The following SFXN5 variants were observed in gnomAD, a reference collection of about 807,000 sequenced individuals.
SFXN5 encodes the protein sideroflexin 5.
SFXN5 carries 43 observed loss-of-function variants against 50.2 expected under a neutral mutation model. The observed-to-expected ratio is 0.86, with a 90% CI of 0.67 to 1.11. The LOEUF (loss-of-function observed/expected upper bound fraction) is 1.11. Ranked by LOEUF, SFXN5 falls within the 50% of genes least tolerant of loss-of-function variation. SFXN5 has a pLI of 0.00. For synonymous variants in SFXN5, 203 were observed against 185.8 expected (o/e 1.09, Z -0.75); for missense variants, 463 against 454.1 (o/e 1.02, Z -0.18).
rs1264827050 is a variant in SFXN5 at position 72,968,309 on chromosome 2, C to T, written c.827+139G>A. On this transcript the variant is annotated intron_variant, in intron 12 of 13. Transcript: ENST00000272433. Reference sequence around the variant, plus strand: ...ACTACCTGGAAAGTCCAAGATGGAGCAAGACACCTTCCACCCTCTACACAA... The same window carrying T: ...ACTACCTGGAAAGTCCAAGATGGAGTAAGACACCTTCCACCCTCTACACAA... 16 of 712,684 alleles carry T rather than the reference C, an allele frequency of 2.2e-5. No homozygotes were observed. In the South Asian group the frequency reaches 2.9e-4, roughly 13 times the overall value. The allele number at this position is 712,684 out of a possible 1,614,324, so 44.1% of individuals were successfully genotyped here. A position where few individuals can be genotyped will look rare whatever the true frequency, so the allele number is the denominator to read the frequency against.
rs1340511605 is a variant in SFXN5 at position 72,988,111 on chromosome 2, TTTTAGC to T, written c.625+141_625+146del. On this transcript the variant is annotated intron_variant, in intron 10 of 13. Coordinates refer to ENST00000272433, the MANE Select transcript of SFXN5 (RefSeq NM_144579.3). ...GTCAGTGGGACCCCATGGTCTTGTC[TTTTAGC>T]TAAACATATTACACCAATTCTCCCA... The T allele has an allele frequency of 8.7e-6, 6 of 686,242 alleles. No individual in the cohort carries two copies. In the East Asian group the frequency reaches 1.7e-4, roughly 19 times the overall value. 42.5% of individuals were successfully genotyped at this position (686,242 alleles called of 1,614,324 possible). A position where few individuals can be genotyped will look rare whatever the true frequency, so the allele number is the denominator to read the frequency against.
intron 13 of SFXN5, among the ~76,000 whole-genome samples, chr2:72,959,710 C>G (rs985383532): frequency 1.3e-5 from 2 of 152,154 alleles, no homozygotes; most frequent in African/African-American, 4.8e-5. Context: ...TCTGGTCCCC[C>G]CTCCTCTTCA....
chr2:72,957,277 C>T (rs1205255243), intron 13 of SFXN5, among the ~76,000 whole-genome samples: 12 of 152,186 alleles, frequency 7.9e-5, no homozygotes, highest in Non-Finnish European at 2.9e-5. Flanking sequence ...GTAAGGTACA[C>T]CGAGCTCCCA....
At chr2:72,978,816 T>G (rs534505936) in intron 10 of SFXN5, among the ~76,000 whole-genome samples, 189 of 145,438 alleles carry the variant, frequency 1.3e-3, no homozygotes, top group Non-Finnish European at 1.6e-3. Context: ...CCCAGATCTG[T>G]TTTTTTTTTA....
At chr2:72,956,896 A>G (rs1673150808) in intron 13 of SFXN5, 1 of 389,178 alleles carries the variant, frequency 2.6e-6, no homozygotes, top group Non-Finnish European at 5.3e-6. Context: ...CAAAGAAGAA[A>G]CTGAATACCA....
At chr2:73,018,123 A>G (rs1256216117) in intron 6 of SFXN5, among the ~76,000 whole-genome samples, 1 of 152,052 alleles carries the variant, frequency 6.6e-6, no homozygotes, top group Non-Finnish European at 1.5e-5. Flanking sequence ...CAAGAGGATC[A>G]CTTGAGCCCA....
chr2:72,967,110 A>G (rs538179950), intron 12 of SFXN5: 36 of 152,350 alleles, frequency 2.4e-4, no homozygotes, highest in African/African-American at 7.5e-4. Context: ...TGGATGACAT[A>G]GCCTGTCTTT....
intron 6 of SFXN5, among the ~76,000 whole-genome samples, chr2:73,002,751 T>C (rs540442644): frequency 6.6e-6 from 1 of 152,230 alleles, no homozygotes; most frequent in South Asian, 2.1e-4. Context: ...AGCTATTCCA[T>C]AGCTCCAACG....
intron 13 of SFXN5, among the ~76,000 whole-genome samples, chr2:72,951,013 C>T (rs904907227): frequency 6.6e-6 from 1 of 152,194 alleles, no homozygotes; most frequent in Admixed American, 6.5e-5. Flanking sequence ...TCCCCGGGCA[C>T]CCAAGAGCCA....
At chr2:72,979,825 G>A (rs574254810) in intron 10 of SFXN5, among the ~76,000 whole-genome samples, 87 of 152,106 alleles carry the variant, frequency 5.7e-4, no homozygotes, top group Non-Finnish European at 9.3e-4. Flanking sequence ...CATTTATATA[G>A]ACATATTTAT....
chr2:73,047,320 T>TACACAC (rs1680617819), intron 2 of SFXN5, among the ~76,000 whole-genome samples: 1 of 53,440 alleles, frequency 1.9e-5, no homozygotes, highest in South Asian at 6.2e-4. Flanking sequence ...TGTGTGTATG[T>TACACAC]ATATATATGT....
chr2:72,996,226 C>T (rs1214415999), intron 9 of SFXN5, among the ~76,000 whole-genome samples: 6 of 152,088 alleles, frequency 3.9e-5, no homozygotes, highest in Admixed American at 1.3e-4. Flanking sequence ...GAAAGCCTTT[C>T]GAGGGGTGCT....
chr2:72,983,310 T>C (rs1487698765), intron 10 of SFXN5, among the ~76,000 whole-genome samples: 7 of 152,142 alleles, frequency 4.6e-5, no homozygotes, highest in African/African-American at 1.7e-4. Context: ...GGCAACGGAC[T>C]CATTGGTTAA....
intron 1 of SFXN5, among the ~76,000 whole-genome samples, chr2:73,066,419 A>C (rs1303716422): frequency 1.3e-5 from 2 of 152,062 alleles, no homozygotes; most frequent in Non-Finnish European, 2.9e-5. Flanking sequence ...TTAGCAAGGC[A>C]TGGTGGCATG....
chr2:73,053,014 C>T (rs1681588178), intron 2 of SFXN5, among the ~76,000 whole-genome samples: 1 of 151,984 alleles, frequency 6.6e-6, no homozygotes, highest in African/African-American at 2.4e-5. Context: ...CCCGTCTCTA[C>T]AAAAATACAA....
rs547050685 is a variant in SFXN5 at position 73,024,632 on chromosome 2, T to A, written c.250-1418A>T. Among the ~76,000 whole-genome samples, 12 of 152,058 alleles carry A rather than the reference T, an allele frequency of 7.9e-5. No individual in the cohort carries two copies. In the South Asian group the frequency reaches 8.3e-4, roughly 11 times the overall value. On this transcript the variant is annotated intron_variant, in intron 3 of 13. Transcript: ENST00000272433. The stretch of plus-strand genomic sequence containing the variant: ...TTGTGCCACAGCACGCCAGCTTGGA[T>A]GACAGCGTGAGAACCTGTCTCCAAA...
chr2:72,991,768 C>T lies in SFXN5; in HGVS notation c.535-3420G>A, dbSNP rs113880350. ...AATGCCAGCTCGTTTTTCCCTGGCA[C>T]GGCGGGTCCTGTTTAAGGGAACCAG... On this transcript the variant is annotated intron_variant, in intron 9 of 13. Transcript: ENST00000272433. Among the ~76,000 whole-genome samples, 498 of 152,314 alleles carry T rather than the reference C, an allele frequency of 3.3e-3. 6 individuals are homozygous for T. The highest frequency in any genetic ancestry group is 9.5e-3 in the African/African-American group (393 of 41,568).
At chr2:73,007,377 C>T (rs1323851777) in intron 6 of SFXN5, among the ~76,000 whole-genome samples, 3 of 151,974 alleles carry the variant, frequency 2.0e-5, no homozygotes, top group African/African-American at 7.3e-5. Flanking sequence ...AAATAATCAT[C>T]CCTCTCACCC....
chr2:72,958,836 G>T (rs897810778), intron 13 of SFXN5, among the ~76,000 whole-genome samples: 12 of 152,164 alleles, frequency 7.9e-5, no homozygotes, highest in Non-Finnish European at 5.9e-5. Context: ...GCCGCTGTGG[G>T]CATGAGATGA....
Sources: allele counts gnomAD v4.1 joint callset (sites outside exome capture counted in the v4.1 genomes callset), GRCh38; gene constraint gnomAD v4.1.1; transcripts MANE v1.5; gene names NCBI Gene and HGNC (gene_info 2026-07-23, HGNC 2026-07-21).